The following RSRC1 variants were observed in gnomAD, a reference collection of about 807,000 sequenced individuals.
The protein encoded by RSRC1 is serine/Arginine-related protein 53.
Under a neutral mutation model 49.1 loss-of-function variants are expected in RSRC1, and 39 were observed. The ratio of observed to expected loss-of-function variants is 0.79; its 90% CI spans 0.61 to 1.04. The LOEUF (loss-of-function observed/expected upper bound fraction) is 1.04, where lower values mean the gene tolerates loss of function less well. Among genes scored for constraint, RSRC1 ranks in the 50% least tolerant of loss-of-function variants. RSRC1 has a pLI of 0.00. For synonymous variants in RSRC1, 143 were observed against 130.8 expected (o/e 1.09, Z -0.63); for missense variants, 388 against 402.4 (o/e 0.96, Z 0.31).
At chr3:158,158,098 T>G (rs1029683446) in intron 3 of RSRC1, among the ~76,000 whole-genome samples, 21 of 152,342 alleles carry the variant, frequency 1.4e-4, no homozygotes, top group Non-Finnish European at 1.8e-4. Flanking sequence ...TTAATGAGTT[T>G]TGAAATATGT....
In RSRC1 at chr3:158,544,360, T is replaced by G; in HGVS notation, c.*85T>G. 1.2e-6 allele frequency: 1 copy of G among 820,010 alleles called. No individual in the cohort carries two copies. Among genetic ancestry groups the G allele is most frequent in the Admixed American group, 2.5e-5 (1 of 39,488 alleles). The allele number at this position is 820,010 out of a possible 1,614,324, so 50.8% of individuals were successfully genotyped here. ...AATCCCAATATTAACTTTTTACTCT[T>G]AAAAAGAATTTTGCTGATTATATAT... On this transcript the variant is annotated 3_prime_UTR_variant, in exon 10 of 10. Transcript: ENST00000611884.
At chr3:158,144,260 A>G (rs908037330) in intron 3 of RSRC1, among the ~76,000 whole-genome samples, 2 of 152,024 alleles carry the variant, frequency 1.3e-5, no homozygotes, top group Non-Finnish European at 2.9e-5. Flanking sequence ...CATTAGCTGT[A>G]TCTCCTAATG....
intron 3 of RSRC1, among the ~76,000 whole-genome samples, chr3:158,134,201 T>G (rs890827049): frequency 1.3e-5 from 2 of 152,158 alleles, no homozygotes; most frequent in Non-Finnish European, 2.9e-5. Flanking sequence ...TATGTAAATA[T>G]TTGTGTGAGA....
intron 4 of RSRC1, among the ~76,000 whole-genome samples, chr3:158,217,380 A>G (rs555719258): frequency 5.3e-5 from 8 of 151,752 alleles, no homozygotes; most frequent in Admixed American, 2.0e-4. Context: ...TGAGTTTTAT[A>G]TTCTTTATAA....
chr3:158,235,778 A>T (rs1050312350), intron 4 of RSRC1, among the ~76,000 whole-genome samples: 10 of 152,308 alleles, frequency 6.6e-5, no homozygotes, highest in African/African-American at 2.4e-4. Context: ...TATAAACAAG[A>T]TGCAAAAAGT....
chr3:158,384,741 C>A (rs1451938220), intron 6 of RSRC1, among the ~76,000 whole-genome samples: 1 of 152,032 alleles, frequency 6.6e-6, no homozygotes, highest in East Asian at 1.9e-4. Context: ...GGAAATAAAC[C>A]CTAGCCCCTC....
intron 3 of RSRC1, among the ~76,000 whole-genome samples, chr3:158,127,667 C>G (rs201405865): frequency 6.6e-6 from 1 of 150,448 alleles, no homozygotes; most frequent in Non-Finnish European, 1.5e-5. Flanking sequence ...AGGTAATTTA[C>G]AGATCTCAGT....
chr3:158,424,421 GA>G (rs1432531708), intron 6 of RSRC1, among the ~76,000 whole-genome samples: 1 of 151,538 alleles, frequency 6.6e-6, no homozygotes, highest in African/African-American at 2.4e-5. Context: ...GCATCCCAGG[GA>G]TGAAGCCCAC....
intron 3 of RSRC1, among the ~76,000 whole-genome samples, chr3:158,181,110 A>G (rs1041086845): frequency 2.0e-5 from 3 of 152,060 alleles, no homozygotes; most frequent in Non-Finnish European, 4.4e-5. Context: ...GGCCCTATGT[A>G]CGTTTTTAAA....
chr3:158,343,360 C>T (rs1730361761), intron 5 of RSRC1, among the ~76,000 whole-genome samples: 1 of 152,074 alleles, frequency 6.6e-6, no homozygotes, highest in African/African-American at 2.4e-5. Flanking sequence ...TATAGGAATA[C>T]AAAAATATCT....
chr3:158,241,375 G>A (rs1723567877), intron 4 of RSRC1, among the ~76,000 whole-genome samples: 3 of 152,054 alleles, frequency 2.0e-5, no homozygotes, highest in African/African-American at 4.8e-5. Context: ...CTTGAACCCA[G>A]GAGGCAGAAG....
chr3:158,380,114 A>G (rs1317249828), intron 6 of RSRC1, among the ~76,000 whole-genome samples: 2 of 152,212 alleles, frequency 1.3e-5, no homozygotes, highest in African/African-American at 4.8e-5. Context: ...AAAAGCTAAT[A>G]TTTTAAAATA....
intron 7 of RSRC1, among the ~76,000 whole-genome samples, chr3:158,476,286 T>G (rs1738364305): frequency 6.6e-6 from 1 of 152,096 alleles, no homozygotes; most frequent in Non-Finnish European, 1.5e-5. Context: ...AGCAGCAAGT[T>G]ATGTAAAAGA....
chr3:158,277,355 G>T (rs1407494136), intron 4 of RSRC1, among the ~76,000 whole-genome samples: 1 of 152,074 alleles, frequency 6.6e-6, no homozygotes, highest in Non-Finnish European at 1.5e-5. Flanking sequence ...TGCCAAATTT[G>T]ATTGCAATCT....
intron 7 of RSRC1, among the ~76,000 whole-genome samples, chr3:158,464,574 A>G (rs1029632045): frequency 4.8e-5 from 7 of 145,562 alleles, no homozygotes; most frequent in African/African-American, 1.8e-4. Flanking sequence ...CTCAAGTCTC[A>G]TTTGTTTAAG....
At chr3:158,334,177 A>T (rs1411211819) in intron 5 of RSRC1, among the ~76,000 whole-genome samples, 2 of 152,170 alleles carry the variant, frequency 1.3e-5, no homozygotes, top group African/African-American at 4.8e-5. Flanking sequence ...AAAACTATAT[A>T]AAGTTTATTT....
intron 4 of RSRC1, among the ~76,000 whole-genome samples, chr3:158,231,918 A>C (rs915723237): frequency 1.2e-4 from 19 of 152,184 alleles, no homozygotes; most frequent in African/African-American, 4.3e-4. Context: ...TTCTGAATGA[A>C]AGAACAAAGA....
At chr3:158,279,531 A>C (rs1726016224) in intron 4 of RSRC1, among the ~76,000 whole-genome samples, 1 of 152,250 alleles carries the variant, frequency 6.6e-6, no homozygotes, top group Non-Finnish European at 1.5e-5. Flanking sequence ...GCTCAATAGA[A>C]TAAGCTAGCG....
intron 3 of RSRC1, among the ~76,000 whole-genome samples, chr3:158,170,672 G>C (rs1202243125): frequency 6.6e-6 from 1 of 152,092 alleles, no homozygotes; most frequent in Non-Finnish European, 1.5e-5. Context: ...TTGTAGAATT[G>C]CACAGTGGGC....
Sources: gnomAD v4.1 joint callset for allele counts (sites outside exome capture counted in the v4.1 genomes callset) on GRCh38, gnomAD v4.1.1 for gene constraint, MANE v1.5 for transcripts, NCBI Gene and HGNC (gene_info 2026-07-23, HGNC 2026-07-21) for gene names.